The following BCL2L12 variants were observed in gnomAD, a reference collection of about 807,000 sequenced individuals.
The protein encoded by BCL2L12 is bcl-2-like protein 12.
Under a neutral mutation model 25.7 loss-of-function variants are expected in BCL2L12, and 27 were observed. The ratio of observed to expected loss-of-function variants is 1.05; its 90% CI spans 0.78 to 1.45. The LOEUF (loss-of-function observed/expected upper bound fraction) is 1.45, where lower values mean the gene tolerates loss of function less well. Ranked by LOEUF, BCL2L12 falls within the 40% of genes most tolerant of loss-of-function variation. The pLI is 0.00. For missense variants in BCL2L12, 302 were observed against 329.8 expected (o/e 0.92, Z 0.65); for synonymous variants, 132 against 145.6 (o/e 0.91, Z 0.67).
upstream of BCL2L12, chr19:49,665,611 C>G (rs1007202428): frequency 1.7e-6 from 1 of 604,872 alleles, no homozygotes; most frequent in East Asian, 2.9e-5. Flanking sequence ...CCAACGCTCT[C>G]CCGGGCTCTT....
In BCL2L12 at chr19:49,673,398, ACT is replaced by A. The variant is rs150366039; in HGVS notation, c.703-295_703-294del. 2.1e-3 allele frequency among the ~76,000 whole-genome samples: 306 copies of A among 148,452 alleles called. 2 individuals carry two copies. The highest frequency in any genetic ancestry group is 7.1e-3 in the African/African-American group (286 of 40,198). On this transcript the variant is annotated intron_variant, in intron 6 of 6. Transcript: ENST00000246784. ...GACTCTGAATTGTTCAAATCCCAAG[ACT>A]CTCTTCCCCATCTCTGACTCTGTCC...
At chr19:49,667,287 T>TGAA in intron 3 of BCL2L12, 126 bp downstream of exon 3, 1 of 1,323,316 alleles carries the variant, frequency 7.6e-7, no homozygotes, top group Non-Finnish European at 1.0e-6. Flanking sequence ...AGAACCGTCC[T>TGAA]GTCCTCTCCC....
Position 49,673,686 on chromosome 19 carries a change from T to G in BCL2L12, c.703-12T>G. 3 of 1,612,632 alleles carry G rather than the reference T, an allele frequency of 1.9e-6. No individual in the cohort carries two copies. The highest frequency in any genetic ancestry group is 2.5e-6 in the Non-Finnish European group (3 of 1,178,728). On this transcript the variant is annotated splice_polypyrimidine_tract_variant and intron_variant, in intron 6 of 6. Transcript: ENST00000246784. ...GCCCTGCTCACAGGGCTCTGCCACT[T>G]TTCCCTTCCAGGAGGGCATCCTGGC...
At position 49,670,504 on chromosome 19, in the gene BCL2L12, C is replaced by T. The variant is rs1410572722; in HGVS notation, c.702+16C>T. The T allele has an allele frequency of 7.8e-6, 12 of 1,536,484 alleles. No homozygotes were observed. The highest frequency in any genetic ancestry group is 1.0e-5 in the Non-Finnish European group (12 of 1,143,920). ...CGGGGGCTGGGTGAGCCGCTGAAGC[C>T]TCTCTCTCCGGGCCTCACTTTACCT... On this transcript the variant is annotated intron_variant, in intron 6 of 6. Transcript: ENST00000246784.
chr19:49,671,399 T>C (rs547408024), intron 6 of BCL2L12, among the ~76,000 whole-genome samples: 29 of 151,940 alleles, frequency 1.9e-4, no homozygotes, highest in African/African-American at 6.8e-4. Flanking sequence ...TGAGCCGAGA[T>C]TGCACCACTG....
In BCL2L12 at chr19:49,673,678, C is replaced by T; in HGVS notation, c.703-20C>T. 1 of 1,607,656 alleles carries T rather than the reference C, an allele frequency of 6.2e-7. No homozygotes were observed. Among genetic ancestry groups the T allele is most frequent in the Non-Finnish European group, 8.5e-7 (1 of 1,174,140 alleles). On this transcript the variant is annotated intron_variant, in intron 6 of 6. Coordinates refer to ENST00000246784, the MANE Select transcript of BCL2L12 (RefSeq NM_138639.2). ...GAACACCTGCCCTGCTCACAGGGCT[C>T]TGCCACTTTTCCCTTCCAGGAGGGC... is the stretch of plus-strand genomic sequence containing the variant.
rs1397215679 is a variant in BCL2L12, at chr19:49,670,503, C to T, written c.702+15C>T. 1 of 1,536,512 alleles carries T rather than the reference C, an allele frequency of 6.5e-7. No homozygotes were observed. Among genetic ancestry groups the T allele is most frequent in the African/African-American group, 1.4e-5 (1 of 72,004 alleles). ...ACGGGGGCTGGGTGAGCCGCTGAAG[C>T]CTCTCTCTCCGGGCCTCACTTTACC... On this transcript the variant is annotated intron_variant, in intron 6 of 6. Coordinates refer to ENST00000246784, the MANE Select transcript of BCL2L12 (RefSeq NM_138639.2).
Position 49,666,039 on chromosome 19 carries a change from G to T in BCL2L12, c.-37G>T. ...AGTGGAGGAGACCGCAAGTTGAGTG[G>T]AGGAGGCGGCGGTGGGGCCCCGGAC... On this transcript the variant is annotated 5_prime_UTR_variant, in exon 1 of 7. Transcript: ENST00000246784. 6.4e-7 allele frequency: 1 copy of T among 1,563,854 alleles called. No homozygotes were observed. Among genetic ancestry groups the T allele is most frequent in the Non-Finnish European group, 8.7e-7 (1 of 1,152,326 alleles).
chr19:49,665,877 G>T (rs78186439), upstream of BCL2L12: 75 of 1,611,746 alleles, frequency 4.7e-5, no homozygotes, highest in East Asian at 1.3e-3. Flanking sequence ...TGGGTTTCCG[G>T]CCAGAGGCAT....
At chr19:49,669,723 G>A (rs1035205030) in intron 5 of BCL2L12, among the ~76,000 whole-genome samples, 1 of 151,904 alleles carries the variant, frequency 6.6e-6, no homozygotes. Flanking sequence ...ATGTGGGGGT[G>A]GGGGGAGTGG....
At position 49,666,791 on chromosome 19, in the gene BCL2L12, T is replaced by C; in HGVS notation, c.99T>C (p.Thr33=). ...AGGCTGCCGGGTCTCCTGTTCCAAC[T>C]CCACCTAGGTAAGAGGAGTGGCCCT... ...RGEAAGSPVP[T]PPRSPAQEEP... is the part of the protein sequence containing the mutation. Residue 33 remains threonine, a synonymous_variant, in exon 2 of 7, where the codon ACT becomes ACC. Coordinates refer to ENST00000246784, the MANE Select transcript of BCL2L12 (RefSeq NM_138639.2). 6.4e-7 allele frequency: 1 copy of C among 1,557,460 alleles called. No individual in the cohort carries two copies. Among genetic ancestry groups the C allele is most frequent in the Non-Finnish European group, 8.7e-7 (1 of 1,149,942 alleles).
At chr19:49,673,474 C>G (rs912383277) in intron 6 of BCL2L12, among the ~76,000 whole-genome samples, 2 of 152,088 alleles carry the variant, frequency 1.3e-5, no homozygotes, top group Non-Finnish European at 2.9e-5. Flanking sequence ...ACTCCAGTGT[C>G]CTGACCCTCC....
intron 3 of BCL2L12, 121 bp downstream of exon 3, chr19:49,667,282 CGTCCT>C (rs1329041755): frequency 1.3e-5 from 17 of 1,349,182 alleles, no homozygotes; most frequent in Non-Finnish European, 1.5e-5. Context: ...AGGACAGAAC[CGTCCT>C]GTCCTCTCCC....
rs575570388 is a variant in BCL2L12 at position 49,672,412 on chromosome 19, G to C, written c.703-1286G>C. ...GAGGCGCCGGGCCAGCCAGGACCCT[G>C]TGGTCACGGTGAGTGACAACTCGGA... On this transcript the variant is annotated intron_variant, in intron 6 of 6. Transcript: ENST00000246784. This position sits in a 1 kb window ranked among gnomAD's most constrained non-coding sequence, Gnocchi z 4.1. Among the ~76,000 whole-genome samples, 2 of 152,356 alleles carry C rather than the reference G, an allele frequency of 1.3e-5. No individual in the cohort carries two copies. The highest frequency in any genetic ancestry group is 4.1e-4 in the South Asian group (2 of 4,828).
chr19:49,670,395 C>T lies in BCL2L12; in HGVS notation c.609C>T (p.Ser203=). 7 of 1,556,730 alleles carry T rather than the reference C, an allele frequency of 4.5e-6. No individual in the cohort carries two copies. The highest frequency in any genetic ancestry group is 6.1e-6 in the Non-Finnish European group (7 of 1,154,512). Residue 203 remains serine, a synonymous_variant, in exon 6 of 7, where the codon AGC becomes AGT. Coordinates refer to ENST00000246784, the MANE Select transcript of BCL2L12 (RefSeq NM_138639.2). ...GCCTGGCCCTAGCCATGGAGCTGAG[C>T]CGGCGCGTGGCCGGGCTGGGGGGCA... ...LARLALAMEL[S]RRVAGLGGTL...
Position 49,672,957 on chromosome 19 carries a change from T to C in BCL2L12, c.703-741T>C, listed in dbSNP as rs2081990565. On this transcript the variant is annotated intron_variant, in intron 6 of 6. Transcript: ENST00000246784. The surrounding 1 kb of genome is among the most constrained non-coding windows in gnomAD (Gnocchi z 4.1). ...ACCTTGGCTCACTGCAACCTCCACC[T>C]CCTGGGTTCAAGCGATTCCCTGCCT... is the stretch of plus-strand genomic sequence containing the variant. Among the ~76,000 whole-genome samples, 2 of 152,202 alleles carry C rather than the reference T, an allele frequency of 1.3e-5. No individual in the cohort carries two copies. Among genetic ancestry groups the C allele is most frequent in the Non-Finnish European group, 2.9e-5 (2 of 68,034 alleles).
rs555364311 is a variant in BCL2L12 at position 49,670,721 on chromosome 19, G to A, written c.702+233G>A. On this transcript the variant is annotated intron_variant, in intron 6 of 6. Coordinates refer to ENST00000246784, the MANE Select transcript of BCL2L12 (RefSeq NM_138639.2). Reference sequence around the variant, plus strand: ...CTGTGAGCGTGAAACCAGTGACTGAGGTTACTCAGGGAGAGGCCGGACGGG... The same window carrying A: ...CTGTGAGCGTGAAACCAGTGACTGAAGTTACTCAGGGAGAGGCCGGACGGG... Among the ~76,000 whole-genome samples, 6 of 152,306 alleles carry A rather than the reference G, an allele frequency of 3.9e-5. No homozygotes were observed. In the South Asian group the frequency reaches 1.2e-3, roughly 32 times the overall value.
intron 6 of BCL2L12, among the ~76,000 whole-genome samples, chr19:49,671,589 G>T (rs1182722384): frequency 6.6e-6 from 1 of 152,202 alleles, no homozygotes; most frequent in Non-Finnish European, 1.5e-5. Flanking sequence ...GGTGAGCTAT[G>T]ATTGCGCCAC....
rs1215703214 is a variant in BCL2L12, at chr19:49,672,826, A to G, written c.703-872A>G. On this transcript the variant is annotated intron_variant, in intron 6 of 6. Transcript: ENST00000246784. This position sits in a 1 kb window ranked among gnomAD's most constrained non-coding sequence, Gnocchi z 4.1. ...GAACTCATAGCACATGTTGAGGGGA[A>G]TGGATATAAGTGTTGGGCTCAGCAA... is the stretch of plus-strand genomic sequence containing the variant. Among the ~76,000 whole-genome samples, 1 of 152,138 alleles carries G rather than the reference A, an allele frequency of 6.6e-6. No homozygotes were observed. Among genetic ancestry groups the G allele is most frequent in the East Asian group, 1.9e-4 (1 of 5,202 alleles).
Sources: gnomAD v4.1 joint callset for allele counts (sites outside exome capture counted in the v4.1 genomes callset) on GRCh38, gnomAD v4.1.1 for gene constraint, Gnocchi (gnomAD v3.1) non-coding constraint, MANE v1.5 for transcripts, NCBI Gene and HGNC (gene_info 2026-07-23, HGNC 2026-07-21) for gene names.